ABCB4: variants seen among roughly 807,000 people sequenced by gnomAD.
ABCB4 encodes the protein phosphatidylcholine translocator ABCB4.
ABCB4 carries 76 observed loss-of-function variants against 145.7 expected under a neutral mutation model. The ratio of observed to expected loss-of-function variants is 0.52; its 90% CI spans 0.43 to 0.63. The LOEUF (loss-of-function observed/expected upper bound fraction) is 0.63, where lower values mean the gene tolerates loss of function less well. ABCB4 is among the 30% of genes least tolerant of loss of function. The probability of loss-of-function intolerance (pLI) is 0.00; values close to 1 mark genes in which losing one functional copy is unlikely to be tolerated. For missense variants in ABCB4, 1,234 were observed against 1,553.1 expected (o/e 0.79, Z 3.45); for synonymous variants, 517 against 566.8 (o/e 0.91, Z 1.25).
chr7:87,374,271 C>T, the ABCB4 span, among the ~76,000 whole-genome samples: 6 of 152,026 alleles, frequency 3.9e-5, no homozygotes, highest in East Asian at 7.7e-4. Flanking sequence ...TTAATGGTGG[C>T]GATTTGGGCA....
chr7:87,454,802 A>G (rs1812002674), intron 4 of ABCB4, among the ~76,000 whole-genome samples: 1 of 152,216 alleles, frequency 6.6e-6, no homozygotes, highest in East Asian at 1.9e-4. Flanking sequence ...GGTACTGGAC[A>G]TTAAGGGCCA....
chr7:87,464,585 A>G (rs1441481680), intron 3 of ABCB4, among the ~76,000 whole-genome samples: 1 of 152,224 alleles, frequency 6.6e-6, no homozygotes, highest in East Asian at 1.9e-4. Flanking sequence ...CTCTAAGCAT[A>G]AATTTAAAAC....
intron 3 of ABCB4, among the ~76,000 whole-genome samples, chr7:87,463,540 AAG>A (rs1177656549): frequency 6.6e-6 from 1 of 152,206 alleles, no homozygotes; most frequent in Non-Finnish European, 1.5e-5. Context: ...CAGAACCTTG[AAG>A]GGTAAGAGGG....
At chr7:87,444,335 T>C (rs1022960879) in intron 10 of ABCB4, among the ~76,000 whole-genome samples, 2 of 152,212 alleles carry the variant, frequency 1.3e-5, no homozygotes, top group African/African-American at 4.8e-5. Flanking sequence ...TTAGCTACCT[T>C]GCAATATTTG....
the ABCB4 span, among the ~76,000 whole-genome samples, chr7:87,370,140 T>G: frequency 6.6e-6 from 1 of 152,218 alleles, no homozygotes; most frequent in Admixed American, 6.5e-5. Flanking sequence ...AGAAGGACTC[T>G]TAAAATACAC....
At chr7:87,415,478 ATCTT>A (rs559680965) in intron 21 of ABCB4, among the ~76,000 whole-genome samples, 79 of 152,292 alleles carry the variant, frequency 5.2e-4, no homozygotes, top group African/African-American at 1.8e-3. Flanking sequence ...CATATTTAAA[ATCTT>A]TCATATTTCA....
At chr7:87,407,928 A>G (rs563190926) in intron 25 of ABCB4, 109 bp downstream of exon 25, 26 of 1,421,098 alleles carry the variant, frequency 1.8e-5, no homozygotes, top group Non-Finnish European at 2.4e-5. Context: ...TGGTCATTGT[A>G]TCAAACAGGA....
intron 12 of ABCB4, among the ~76,000 whole-genome samples, chr7:87,441,083 C>T (rs1032655722): frequency 6.6e-6 from 1 of 152,124 alleles, no homozygotes; most frequent in African/African-American, 2.4e-5. Flanking sequence ...TAATTTACTT[C>T]CTTTCTTCTT....
At chr7:87,459,443 G>A (rs186745133) in intron 4 of ABCB4, among the ~76,000 whole-genome samples, 51 of 152,088 alleles carry the variant, frequency 3.4e-4, no homozygotes, top group Middle Eastern at 6.8e-3. Context: ...TGTCCTCAAG[G>A]TTCATCTATG....
intron 22 of ABCB4, among the ~76,000 whole-genome samples, chr7:87,412,773 TA>T (rs756334895): frequency 2.0e-5 from 3 of 152,244 alleles, no homozygotes; most frequent in Non-Finnish European, 4.4e-5. Context: ...ATTGAATCTT[TA>T]AATTATAACC....
At chr7:87,427,032 T>C in intron 15 of ABCB4, 112 bp from the exon 16 acceptor site, 1 of 944,782 alleles carries the variant, frequency 1.1e-6, no homozygotes, top group Non-Finnish European at 1.6e-6. Flanking sequence ...ATTTGGAATA[T>C]TACATGTATC....
At chr7:87,392,825 T>C in the ABCB4 span, 10 of 1,612,562 alleles carry the variant, frequency 6.2e-6, no homozygotes, top group Admixed American at 5.0e-5. Flanking sequence ...TTCCAAAAGG[T>C]AATATAGTGT....
intron 4 of ABCB4, among the ~76,000 whole-genome samples, chr7:87,456,011 T>C (rs1307147181): frequency 1.3e-5 from 2 of 152,246 alleles, no homozygotes; most frequent in East Asian, 3.8e-4. Context: ...CTTTATAAGC[T>C]ATCAGAACCT....
intron 4 of ABCB4, among the ~76,000 whole-genome samples, chr7:87,461,032 G>A (rs565887003): frequency 1.2e-4 from 18 of 151,908 alleles, no homozygotes; most frequent in African/African-American, 3.9e-4. Flanking sequence ...GGCAACCTCC[G>A]CCCCCTGGGT....
chr7:87,450,229 G>GGATCCAGAACACTGGCAT, intron 7 of ABCB4, 137 bp from the exon 8 acceptor site: 2 of 1,242,322 alleles, frequency 1.6e-6, no homozygotes, highest in Non-Finnish European at 1.1e-6. Context: ...AAATGCCAGT[G>GGATCCAGAACACTGGCAT]TTCTGGATCC....
intron 25 of ABCB4, 43 bp from the exon 26 acceptor site, chr7:87,406,537 G>GAA: frequency 6.3e-7 from 1 of 1,592,108 alleles, no homozygotes. Flanking sequence ...GTATAAAAAA[G>GAA]AAAAAAAAAC....
intron 20 of ABCB4, among the ~76,000 whole-genome samples, 199 bp from the exon 21 acceptor site, chr7:87,417,714 A>G (rs746545991): frequency 3.3e-5 from 5 of 152,182 alleles, no homozygotes; most frequent in Non-Finnish European, 5.9e-5. Flanking sequence ...TTACACTCTC[A>G]TTCCTCTCCT....
chr7:87,446,674 A>G (rs1562982765), intron 9 of ABCB4, among the ~76,000 whole-genome samples: 1 of 152,188 alleles, frequency 6.6e-6, no homozygotes, highest in Non-Finnish European at 1.5e-5. Context: ...TTCTTGTGCA[A>G]TGACCTATTC....
chr7:87,426,149 T>G (rs1809788133), intron 16 of ABCB4, among the ~76,000 whole-genome samples: 1 of 152,184 alleles, frequency 6.6e-6, no homozygotes, highest in Admixed American at 6.5e-5. Context: ...TGTTTCTTCC[T>G]GTTGCTTGGA....
Sources: allele counts gnomAD v4.1 joint callset (sites outside exome capture counted in the v4.1 genomes callset), GRCh38; gene constraint gnomAD v4.1.1; transcripts MANE v1.5; gene names NCBI Gene and HGNC (gene_info 2026-07-23, HGNC 2026-07-21).